Variants in USP42 observed in about 807,000 individuals in gnomAD.
USP42 encodes ubiquitin carboxyl-terminal hydrolase 42.
A neutral mutation model predicts 113.0 loss-of-function variants in USP42; 23 were observed. The observed-to-expected ratio is 0.20, with a 90% confidence interval of 0.15 to 0.29. The LOEUF is 0.29. Among genes scored for constraint, USP42 ranks in the 10% least tolerant of loss-of-function variants. The pLI, the probability that USP42 is intolerant of heterozygous loss-of-function variation, is 1.00. For synonymous variants in USP42, 933 were observed against 699.0 expected, an observed-to-expected ratio of 1.33 and a Z score of -5.28; for missense variants, 2,174 against 1,779.8, an observed-to-expected ratio of 1.22 and a Z score of -3.99.
chr7:6,092,610 A>G, the USP42 span, among the ~76,000 whole-genome samples: 1 of 151,344 alleles, frequency 6.6e-6, no homozygotes, highest in Non-Finnish European at 1.5e-5. Context: ...ATAACTAATT[A>G]ACACCCACAG....
the USP42 span, among the ~76,000 whole-genome samples, chr7:6,082,168 G>A: frequency 6.7e-6 from 1 of 149,560 alleles, no homozygotes; most frequent in African/African-American, 2.5e-5. Flanking sequence ...TCGCTTTGTC[G>A]CCCAGGCTGG....
At chr7:6,104,678 G>A (rs1779149202), upstream of USP42, among the ~76,000 whole-genome samples, 1 of 152,160 alleles carries the variant, frequency 6.6e-6, no homozygotes, top group Admixed American at 6.5e-5. Context: ...GCAGACGCGC[G>A]ACCAGCCCAG....
intron 14 of USP42, among the ~76,000 whole-genome samples, chr7:6,151,587 G>A (rs1364703405): frequency 4.0e-5 from 6 of 151,600 alleles, no homozygotes; most frequent in African/African-American, 1.5e-4. Flanking sequence ...ACAGGCATGC[G>A]CCACCCCACC....
At chr7:6,146,071 G>T in intron 10 of USP42, 77 bp from the exon 11 acceptor site, 1 of 1,173,710 alleles carries the variant, frequency 8.5e-7, no homozygotes. Context: ...CAAAAAAAAA[G>T]AAAGAAATAT....
chr7:6,118,639 T>G (rs886869269), intron 3 of USP42, among the ~76,000 whole-genome samples: 1 of 152,162 alleles, frequency 6.6e-6, no homozygotes, highest in African/African-American at 2.4e-5. Context: ...GGGTCAGTGG[T>G]CCATTTTGAG....
In USP42 at chr7:6,156,793, C is replaced by G; in HGVS notation, c.3681C>G (p.Asp1227Glu). 1 of 1,592,246 alleles carries G rather than the reference C, an allele frequency of 6.3e-7. No homozygotes were observed. The highest frequency in any genetic ancestry group is 8.5e-7 in the Non-Finnish European group (1 of 1,172,010). Residue 1227 changes from aspartate to glutamate, a missense_variant, in exon 16 of 18, where the codon GAC becomes GAG. Physicochemically the swap from Asp to Glu is conservative, Grantham distance 45. Coordinates refer to ENST00000306177, the MANE Select transcript of USP42 (RefSeq NM_032172.3). The stretch of plus-strand genomic sequence containing the variant: ...CAGACCTCTCAGCAGCGTGCTCTGA[C>G]GCTGACCTCCACAGACACAAAAAAA... ...QDSDLSAACS[D>E]ADLHRHKKKK...
Position 6,149,700 on chromosome 7 carries a change from G to A in USP42, c.1504G>A (p.Val502Ile), listed in dbSNP as rs1781923944. The change falls in exon 13 of 18, where the codon GTC (valine) becomes ATC (isoleucine). Residue 502 changes from valine (V) to isoleucine (I), a missense_variant. Val to Ile is a conservative substitution (Grantham distance 29). Coordinates refer to ENST00000306177, the MANE Select transcript of USP42 (RefSeq NM_032172.3). ...RASPVNASAS[V>I]QNWSVNRSSV... is the part of the protein sequence containing the mutation. ...TAGTCCTGTTAATGCTTCAGCTTCT[G>A]TCCAAAACTGGTCAGTTAATAGGTC... 1 of 1,613,956 alleles carries A rather than the reference G, an allele frequency of 6.2e-7. No individual in the cohort carries two copies.
In USP42 at chr7:6,154,496, G is replaced by A; in HGVS notation, c.2942G>A (p.Arg981His). The A allele has an allele frequency of 6.5e-7, 1 of 1,544,322 alleles. No homozygotes were observed. Among genetic ancestry groups the A allele is most frequent in the Non-Finnish European group, 8.7e-7 (1 of 1,144,792 alleles). Residue 981 changes from arginine to histidine, a missense_variant, in exon 15 of 18, where the codon CGC (arginine) becomes CAC (histidine). Coordinates refer to ENST00000306177, the MANE Select transcript of USP42 (RefSeq NM_032172.3). Reference protein sequence around the residue: ...SKTEGHRHRRRRTCPRERDRQ... With the variant: ...SKTEGHRHRRHRTCPRERDRQ... The stretch of plus-strand genomic sequence containing the variant: ...ACTGAGGGCCACCGTCACCGGCGGC[G>A]CCGCACCTGCCCCCGGGAGCGCGAC...
chr7:6,142,612 A>G (rs1175140401), intron 7 of USP42, among the ~76,000 whole-genome samples: 2 of 152,130 alleles, frequency 1.3e-5, no homozygotes, highest in Non-Finnish European at 2.9e-5. Flanking sequence ...GCTGGGCATG[A>G]CAGCTCATAC....
chr7:6,154,715 C>G lies in USP42; in HGVS notation c.3161C>G (p.Pro1054Arg), dbSNP rs781494163. 6.3e-7 allele frequency: 1 copy of G among 1,593,804 alleles called. No homozygotes were observed. Among genetic ancestry groups the G allele is most frequent in the South Asian group, 1.1e-5 (1 of 87,716 alleles). The change falls in exon 15 of 18, where the codon CCG becomes CGG. Residue 1054 changes from proline to arginine, a missense_variant. Transcript: ENST00000306177. ...CGGGAGAAGTTCTACCCCGACAGGC[C>G]GCGCTGGGACAGGTGCCGGTACTAC... ...WGREKFYPDR[P>R]RWDRCRYYHD...
chr7:6,102,363 C>T (rs1012128194), upstream of USP42, among the ~76,000 whole-genome samples: 3 of 150,356 alleles, frequency 2.0e-5, no homozygotes, highest in Admixed American at 6.6e-5. Context: ...CTGCCCGCCT[C>T]GGCTTCCCAA....
chr7:6,103,586 C>T (rs576071801), upstream of USP42, among the ~76,000 whole-genome samples: 2 of 150,072 alleles, frequency 1.3e-5, no homozygotes, highest in African/African-American at 5.0e-5. Context: ...AGTGGCGCAC[C>T]GGTGGGGTCA....
At position 6,145,433 on chromosome 7, in the gene USP42, G is replaced by C; in HGVS notation, c.991-83G>C. 1.3e-6 allele frequency: 2 copies of C among 1,551,644 alleles called. 1 individual carries two copies. The highest frequency in any genetic ancestry group is 2.7e-5 in the African/African-American group (2 of 73,742). ...GGTGTTCTGTGGGTCTCCCCTCCTA[G>C]GAAGCTCTAAGTACCCTCTACCTGA... On this transcript the variant is annotated intron_variant, in intron 9 of 17. Transcript: ENST00000306177.
the USP42 span, among the ~76,000 whole-genome samples, chr7:6,085,827 C>G: frequency 6.6e-6 from 1 of 150,546 alleles, no homozygotes; most frequent in East Asian, 2.0e-4. Context: ...GTTGGCCAGG[C>G]TGGTTTTGAA....
At chr7:6,081,745 G>C in the USP42 span, 2 of 152,356 alleles carry the variant, frequency 1.3e-5, no homozygotes, top group East Asian at 1.9e-4. Flanking sequence ...CGCCTACGTG[G>C]ACTGCGGGTT....
chr7:6,106,910 A>G (rs1400726515), intron 1 of USP42, among the ~76,000 whole-genome samples: 2 of 152,204 alleles, frequency 1.3e-5, no homozygotes, highest in African/African-American at 2.4e-5. Flanking sequence ...ATATATCATC[A>G]GAAGCTGTTG....
chr7:6,122,976 A>G (rs1780318838), intron 3 of USP42, among the ~76,000 whole-genome samples: 1 of 151,842 alleles, frequency 6.6e-6, no homozygotes, highest in African/African-American at 2.4e-5. Flanking sequence ...GGCATGCGCC[A>G]CCACACCTGA....
chr7:6,145,999 G>A, intron 10 of USP42, 149 bp from the exon 11 acceptor site: 1 of 679,578 alleles, frequency 1.5e-6, no homozygotes, highest in Non-Finnish European at 2.5e-6. Context: ...GAACCCAGGA[G>A]GTGGAGATTG....
the USP42 span, among the ~76,000 whole-genome samples, chr7:6,092,058 TTC>T: frequency 8.4e-5 from 6 of 71,144 alleles, no homozygotes; most frequent in African/African-American, 3.8e-4. Flanking sequence ...TTCTTCTTTC[TTC>T]TTCTTCTTCT....
Sources: gnomAD v4.1 joint callset for allele counts (sites outside exome capture counted in the v4.1 genomes callset) on GRCh38, gnomAD v4.1.1 for gene constraint, MANE v1.5 for transcripts, NCBI Gene and HGNC (gene_info 2026-07-23, HGNC 2026-07-21) for gene names.